The following PRKACB variants were observed in gnomAD, a reference collection of about 807,000 sequenced individuals.
The protein encoded by PRKACB is protein kinase cAMP-activated catalytic subunit beta.
A neutral mutation model predicts 51.4 loss-of-function variants in PRKACB; 16 were observed. That is an observed-to-expected ratio of 0.31 (90% confidence interval 0.21 to 0.47). The LOEUF (loss-of-function observed/expected upper bound fraction) is 0.47, where lower values mean the gene tolerates loss of function less well. Ranked by LOEUF, PRKACB falls within the 20% of genes least tolerant of loss-of-function variation. PRKACB has a pLI of 1.00. For missense variants in PRKACB, 309 were observed against 464.5 expected (o/e 0.67, Z 3.08); for synonymous variants, 147 against 154.4 (o/e 0.95, Z 0.35).
intron 1 of PRKACB, among the ~76,000 whole-genome samples, chr1:84,177,879 A>C (rs909646040): frequency 6.6e-6 from 1 of 152,106 alleles, no homozygotes; most frequent in Non-Finnish European, 1.5e-5. Context: ...ATTTTCCTAC[A>C]ATGGGAAAAT....
chr1:84,088,125 T>C (rs988810443), intron 1 of PRKACB, among the ~76,000 whole-genome samples: 5 of 152,224 alleles, frequency 3.3e-5, no homozygotes, highest in Non-Finnish European at 5.9e-5. Context: ...TACACTAGCA[T>C]AATTGGTATT....
At chr1:84,235,096 TG>T in intron 9 of PRKACB, 83 bp from the exon 10 acceptor site, 1 of 1,413,220 alleles carries the variant, frequency 7.1e-7, no homozygotes, top group Non-Finnish European at 9.7e-7. Context: ...GTAATAACAG[TG>T]GGAATTTATT....
rs575566499 is a variant in PRKACB at position 84,084,214 on chromosome 1, CCG to C, written c.46+5844_46+5845del. ...TAGGAGGAAGGGTGTTCTGAGTAGACCGAGCATTGATAAGTGAAGATGCAGAG... is the reference window on the plus strand; with the variant it reads ...TAGGAGGAAGGGTGTTCTGAGTAGACAGCATTGATAAGTGAAGATGCAGAG... On this transcript the variant is annotated intron_variant, in intron 1 of 8. Transcript: ENST00000370688. 1.0e-2 allele frequency among the ~76,000 whole-genome samples: 1,517 copies of C among 152,116 alleles called. 15 individuals are homozygous for C. The highest frequency in any genetic ancestry group is 0.015 in the Non-Finnish European group (1,048 of 67,980).
At chr1:84,111,276 T>C (rs1650207265) in intron 1 of PRKACB, among the ~76,000 whole-genome samples, 1 of 152,144 alleles carries the variant, frequency 6.6e-6, no homozygotes, top group African/African-American at 2.4e-5. Flanking sequence ...ACATTGCTAC[T>C]GACTTCAACA....
chr1:84,156,230 A>G (rs1196603563), intron 1 of PRKACB, among the ~76,000 whole-genome samples: 2 of 152,104 alleles, frequency 1.3e-5, no homozygotes, highest in African/African-American at 4.8e-5. Context: ...TCCTGGGGTC[A>G]AGCAATCTCC....
chr1:84,125,268 C>A lies in PRKACB; in HGVS notation c.46+46897C>A, dbSNP rs547673505. On this transcript the variant is annotated intron_variant, in intron 1 of 8. Coordinates refer to the PRKACB transcript ENST00000370688. Reference sequence around the variant, plus strand: ...AGCTCTTAGAGCCCTCTCTCTGGTGCTTCTACATAGGCTGTAATATCTCAG... The same window carrying A: ...AGCTCTTAGAGCCCTCTCTCTGGTGATTCTACATAGGCTGTAATATCTCAG... 3.3e-5 allele frequency among the ~76,000 whole-genome samples: 5 copies of A among 152,268 alleles called. No homozygotes were observed. The South Asian group carries it at 1.0e-3, about 32-fold the overall frequency.
rs533239636 is a variant in PRKACB, at chr1:84,176,654, A to G, written c.188-2523A>G. Among the ~76,000 whole-genome samples the G allele has an allele frequency of 2.6e-5, 4 of 151,950 alleles. No homozygotes were observed. In the South Asian group the frequency reaches 6.2e-4, roughly 24 times the overall value. ...TTTCCTCATAGAACTATTTAATAAC[A>G]TCATACTTAGTGCCCATCCTTTAAT... On this transcript the variant is annotated intron_variant, in intron 1 of 9. Transcript: ENST00000370685.
At chr1:84,124,832 G>A (rs1180143130) in intron 1 of PRKACB, among the ~76,000 whole-genome samples, 2 of 152,150 alleles carry the variant, frequency 1.3e-5, no homozygotes, top group African/African-American at 4.8e-5. Context: ...TGGCTAGGGC[G>A]TTAGTAGATC....
At chr1:84,080,666 G>C (rs892118375) in intron 1 of PRKACB, among the ~76,000 whole-genome samples, 1 of 152,108 alleles carries the variant, frequency 6.6e-6, no homozygotes, top group African/African-American at 2.4e-5. Flanking sequence ...TCATCATTAC[G>C]TACCTAAATG....
intron 1 of PRKACB, among the ~76,000 whole-genome samples, chr1:84,170,804 G>A (rs1346099356): frequency 6.6e-6 from 1 of 151,578 alleles, no homozygotes; most frequent in Non-Finnish European, 1.5e-5. Context: ...AGGAAAAAAT[G>A]TATGTAATTC....
chr1:84,185,023 C>CT, intron 4 of PRKACB, 77 bp from the exon 5 acceptor site: 1 of 799,928 alleles, frequency 1.3e-6, no homozygotes, highest in Non-Finnish European at 1.9e-6. Context: ...TTAAATTTTT[C>CT]TAATTCAGCA....
At chr1:84,216,436 A>C (rs1672894412) in intron 9 of PRKACB, among the ~76,000 whole-genome samples, 1 of 152,214 alleles carries the variant, frequency 6.6e-6, no homozygotes, top group Non-Finnish European at 1.5e-5. Flanking sequence ...AAACAATGTG[A>C]ATGCAATACA....
At chr1:84,162,346 T>A (rs917995449) in intron 1 of PRKACB, among the ~76,000 whole-genome samples, 4 of 152,048 alleles carry the variant, frequency 2.6e-5, no homozygotes, top group African/African-American at 9.7e-5. Context: ...AATTGGGACA[T>A]TTTCAGCCAT....
At chr1:84,165,447 A>G (rs1657103128) in intron 1 of PRKACB, among the ~76,000 whole-genome samples, 1 of 151,774 alleles carries the variant, frequency 6.6e-6, no homozygotes, top group South Asian at 2.1e-4. Context: ...AGTAATTTTG[A>G]AAATAAGATG....
chr1:84,090,849 T>A (rs1294542010), intron 1 of PRKACB, among the ~76,000 whole-genome samples: 2 of 152,094 alleles, frequency 1.3e-5, no homozygotes, highest in African/African-American at 4.8e-5. Context: ...ATGGAAGGAG[T>A]TAGAAAAATT....
chr1:84,089,539 C>G (rs1291013225), intron 1 of PRKACB, among the ~76,000 whole-genome samples: 2 of 152,130 alleles, frequency 1.3e-5, no homozygotes, highest in Non-Finnish European at 2.9e-5. Flanking sequence ...TGTCATTTAC[C>G]AGTCTCTTGC....
intron 1 of PRKACB, among the ~76,000 whole-genome samples, chr1:84,131,939 G>T (rs1440901980): frequency 1.3e-5 from 2 of 152,202 alleles, no homozygotes; most frequent in African/African-American, 4.8e-5. Context: ...TTCTTGCAGA[G>T]AGAGGGAGGG....
intron 1 of PRKACB, among the ~76,000 whole-genome samples, chr1:84,128,307 A>C (rs543669614): frequency 4.8e-4 from 73 of 152,282 alleles, no homozygotes; most frequent in African/African-American, 1.7e-3. Flanking sequence ...TTTAGACAGT[A>C]TAGGACACAT....
intron 1 of PRKACB, 80 bp downstream of exon 1, chr1:84,144,628 C>A: frequency 1.5e-6 from 2 of 1,375,490 alleles, no homozygotes; most frequent in Non-Finnish European, 2.0e-6. Context: ...ACATAAAGAA[C>A]CCTCTTTTGT....
Sources: allele counts gnomAD v4.1 joint callset (sites outside exome capture counted in the v4.1 genomes callset), GRCh38; gene constraint gnomAD v4.1.1; transcripts MANE v1.5; gene names NCBI Gene and HGNC (gene_info 2026-07-23, HGNC 2026-07-21).